Variants in TMEM138 observed in about 807,000 individuals in gnomAD.
TMEM138 encodes transmembrane protein 138.
A neutral mutation model predicts 18.1 loss-of-function variants in TMEM138; 9 were observed. The observed-to-expected ratio is 0.50, with a 90% CI of 0.30 to 0.87. The LOEUF is 0.87. Among genes scored for constraint, TMEM138 ranks in the 40% least tolerant of loss-of-function variants. The probability of loss-of-function intolerance (pLI) is 0.06; values close to 1 mark genes in which losing one functional copy is unlikely to be tolerated. For missense variants in TMEM138, 189 were observed against 190.6 expected (o/e 0.99, Z 0.05); for synonymous variants, 79 against 74.8 (o/e 1.06, Z -0.29).
At chr11:61,372,099 C>T (rs543648605), downstream of TMEM138, among the ~76,000 whole-genome samples, 1 of 151,400 alleles carries the variant, frequency 6.6e-6, no homozygotes, top group East Asian at 2.0e-4. Context: ...TTGCTTGAAC[C>T]TGGGAGGCAG....
intron 1 of TMEM138, 133 bp from the exon 2 acceptor site, chr11:61,364,119 G>C (rs530493535): frequency 6.8e-6 from 2 of 293,628 alleles, no homozygotes; most frequent in East Asian, 6.4e-5. Flanking sequence ...GACTTCTTGG[G>C]GGTTTTTGTT....
downstream of TMEM138, among the ~76,000 whole-genome samples, chr11:61,374,611 G>A (rs1212229427): frequency 1.3e-5 from 2 of 152,146 alleles, no homozygotes; most frequent in African/African-American, 4.8e-5. Flanking sequence ...ATGGACAATT[G>A]TTGTTTTGCT....
In TMEM138 at chr11:61,364,351, G is replaced by C. The variant is rs1289211300; in HGVS notation, c.-40G>C. 1 of 1,609,674 alleles carries C rather than the reference G, an allele frequency of 6.2e-7. No individual in the cohort carries two copies. The highest frequency in any genetic ancestry group is 8.5e-7 in the Non-Finnish European group (1 of 1,177,276). Reference sequence around the variant, plus strand: ...AGCCAGGAGCGGTTTTCTGGGAACTGTGGGATGTGCCCTTGGGGGCCCGAG... The same window carrying C: ...AGCCAGGAGCGGTTTTCTGGGAACTCTGGGATGTGCCCTTGGGGGCCCGAG... On this transcript the variant is annotated 5_prime_UTR_variant, in exon 2 of 5. Coordinates refer to ENST00000278826, the MANE Select transcript of TMEM138 (RefSeq NM_016464.5).
At position 61,365,687 on chromosome 11, in the gene TMEM138, C is replaced by T. The variant is rs1054876275; in HGVS notation, c.129-358C>T. 2.9e-5 allele frequency: 5 copies of T among 169,890 alleles called. No individual in the cohort carries two copies. The East Asian group carries it at 5.1e-4, about 17-fold the overall frequency. 10.5% of individuals were successfully genotyped at this position (169,890 alleles called of 1,614,324 possible). A position where few individuals can be genotyped will look rare whatever the true frequency, so the allele number is the denominator to read the frequency against. The stretch of plus-strand genomic sequence containing the variant: ...GTTGCTGCAGTGAGCTGTGATCATA[C>T]CACTGCACTCCAGTCTGGGCAACAG... On this transcript the variant is annotated intron_variant, in intron 2 of 4. Coordinates refer to ENST00000278826, the MANE Select transcript of TMEM138 (RefSeq NM_016464.5).
At chr11:61,372,483 CA>C (rs555340626), downstream of TMEM138, among the ~76,000 whole-genome samples, 12,118 of 84,606 alleles carry the variant, frequency 0.14, 1,531 homozygotes, top group African/African-American at 0.35. Context: ...CATTCTTTCT[CA>C]AAAAAAAAAA....
At chr11:61,363,025 C>G (rs1590621582) in intron 1 of TMEM138, 1 of 152,332 alleles carries the variant, frequency 6.6e-6, no homozygotes, top group African/African-American at 2.4e-5. Flanking sequence ...ATCACGAGGT[C>G]AGGAGATCGA....
intron 2 of TMEM138, 159 bp from the exon 3 acceptor site, chr11:61,365,886 T>C: frequency 1.1e-6 from 1 of 884,616 alleles, no homozygotes; most frequent in Non-Finnish European, 1.6e-6. Flanking sequence ...CTTCATGTCA[T>C]TCAGGTCCCA....
At chr11:61,376,547 A>G (rs1412851564), downstream of TMEM138, among the ~76,000 whole-genome samples, 1 of 151,964 alleles carries the variant, frequency 6.6e-6, no homozygotes, top group African/African-American at 2.4e-5. Context: ...TTTTTTTCCA[A>G]TTTGGAGTCA....
chr11:61,368,587 C>G lies in TMEM138; in HGVS notation c.377-10C>G. On this transcript the variant is annotated splice_polypyrimidine_tract_variant and intron_variant, in intron 4 of 4. Coordinates refer to ENST00000278826, the MANE Select transcript of TMEM138 (RefSeq NM_016464.5). Reference sequence around the variant, plus strand: ...ACCCCTGAGGCTTCTCTTCTGCTTCCTCCCCACAGCAGCAGTGTTGTACTG... The same window carrying G: ...ACCCCTGAGGCTTCTCTTCTGCTTCGTCCCCACAGCAGCAGTGTTGTACTG... 1.3e-6 allele frequency: 2 copies of G among 1,597,298 alleles called. No individual in the cohort carries two copies. Among genetic ancestry groups the G allele is most frequent in the Non-Finnish European group, 1.7e-6 (2 of 1,165,694 alleles).
At position 61,364,525 on chromosome 11, in the gene TMEM138, G is replaced by T. The variant is rs560650147; in HGVS notation, c.128+7G>T. On this transcript the variant is annotated splice_region_variant and intron_variant, in intron 2 of 4. Transcript: ENST00000278826. The stretch of plus-strand genomic sequence containing the variant: ...TCCAGCTTGTGCTCTTCATGTGCGT[G>T]CAGTAAGGCACTCTGGAAAGCTGAA... 170 of 1,613,948 alleles carry T rather than the reference G, an allele frequency of 1.1e-4. No individual in the cohort carries two copies. In the South Asian group the frequency reaches 1.8e-3, roughly 17 times the overall value.
chr11:61,367,644 C>A, intron 3 of TMEM138: 1 of 345,262 alleles, frequency 2.9e-6, no homozygotes, highest in South Asian at 3.5e-5. Context: ...CAGCTGAACT[C>A]CTGAGATAAT....
At chr11:61,366,471 CTTTTTT>C in intron 3 of TMEM138, 2 of 261,216 alleles carry the variant, frequency 7.7e-6, no homozygotes, top group South Asian at 5.9e-5. Flanking sequence ...CTTTTCTTTT[CTTTTTT>C]TTTTTTTTTG....
At chr11:61,367,552 T>A in intron 3 of TMEM138, 1 of 175,640 alleles carries the variant, frequency 5.7e-6, no homozygotes, top group East Asian at 1.5e-4. Context: ...ATAAAAGCCG[T>A]TAATCTCATT....
In TMEM138 at chr11:61,364,494, C is replaced by A; in HGVS notation, c.104C>A (p.Pro35His). Reference protein sequence around the residue: ...NSFSELLQKTPVIQLVLFIIQ... With the variant: ...NSFSELLQKTHVIQLVLFIIQ... ...TTCTCAGAACTGCTCCAAAAGACTCCTGTCATCCAGCTTGTGCTCTTCATG... is the reference window on the plus strand; with the variant it reads ...TTCTCAGAACTGCTCCAAAAGACTCATGTCATCCAGCTTGTGCTCTTCATG... The change falls in exon 2 of 5, where the codon CCT becomes CAT. Residue 35 changes from proline (P) to histidine (H), a missense_variant. Coordinates refer to ENST00000278826, the MANE Select transcript of TMEM138 (RefSeq NM_016464.5). 1 of 1,614,218 alleles carries A rather than the reference C, an allele frequency of 6.2e-7. No individual in the cohort carries two copies. Among genetic ancestry groups the A allele is most frequent in the Non-Finnish European group, 8.5e-7 (1 of 1,180,028 alleles).
intron 2 of TMEM138, among the ~76,000 whole-genome samples, chr11:61,365,316 A>G (rs1858103789): frequency 6.6e-6 from 1 of 151,538 alleles, no homozygotes; most frequent in Non-Finnish European, 1.5e-5. Flanking sequence ...GCTGGAGTAC[A>G]GTGGCACAAT....
downstream of TMEM138, among the ~76,000 whole-genome samples, chr11:61,375,893 G>C (rs1414243853): frequency 1.3e-5 from 2 of 152,118 alleles, no homozygotes; most frequent in Admixed American, 6.6e-5. Flanking sequence ...ACAGGCCCAG[G>C]AGTCCCAAGT....
downstream of TMEM138, among the ~76,000 whole-genome samples, chr11:61,375,365 C>T (rs1411523941): frequency 7.4e-6 from 1 of 134,320 alleles, no homozygotes; most frequent in Non-Finnish European, 1.5e-5. Flanking sequence ...TCTTTTTGCC[C>T]AGGCTGGAGT....
At chr11:61,373,027 C>T (rs1858384982), downstream of TMEM138, among the ~76,000 whole-genome samples, 1 of 152,080 alleles carries the variant, frequency 6.6e-6, no homozygotes, top group African/African-American at 2.4e-5. Context: ...AAAATACTTG[C>T]AACATTGAGT....
At chr11:61,374,923 C>T (rs1376602206), downstream of TMEM138, among the ~76,000 whole-genome samples, 1 of 152,208 alleles carries the variant, frequency 6.6e-6, no homozygotes, top group African/African-American at 2.4e-5. Context: ...CGCCACTGAA[C>T]TTCAGCCTGG....
Sources: gnomAD v4.1 joint callset for allele counts (sites outside exome capture counted in the v4.1 genomes callset) on GRCh38, gnomAD v4.1.1 for gene constraint, MANE v1.5 for transcripts, NCBI Gene and HGNC (gene_info 2026-07-23, HGNC 2026-07-21) for gene names.